Variants in ANKRD26 observed in about 807,000 individuals in gnomAD.
ANKRD26 encodes the protein ankyrin repeat domain-containing protein 26.
Under a neutral mutation model 208.7 loss-of-function variants are expected in ANKRD26, and 141 were observed. The ratio of observed to expected loss-of-function variants is 0.68; its 90% CI spans 0.59 to 0.78. The LOEUF (loss-of-function observed/expected upper bound fraction) is 0.78, where lower values mean the gene tolerates loss of function less well. Among genes scored for constraint, ANKRD26 ranks in the 30% least tolerant of loss-of-function variants. The pLI is 0.00. For missense variants in ANKRD26, 1,889 were observed against 1,938.7 expected, an observed-to-expected ratio of 0.97 and a Z score of 0.48; for synonymous variants, 636 against 660.4, an observed-to-expected ratio of 0.96 and a Z score of 0.57.
chr10:27,059,579 TG>T, intron 15 of ANKRD26, among the ~76,000 whole-genome samples: 1 of 152,302 alleles, frequency 6.6e-6, no homozygotes, highest in Non-Finnish European at 1.5e-5. Flanking sequence ...GTTTCAGAAT[TG>T]TTGTTTTAAA....
intron 18 of ANKRD26, among the ~76,000 whole-genome samples, chr10:27,045,819 T>G (rs1277619707): frequency 6.6e-6 from 1 of 152,220 alleles, no homozygotes; most frequent in Non-Finnish European, 1.5e-5. Context: ...CACATTCAAT[T>G]ATATTACAAT....
chr10:27,100,402 A>C lies in ANKRD26; in HGVS notation c.-76T>G. 6.3e-7 allele frequency: 1 copy of C among 1,581,552 alleles called. No individual in the cohort carries two copies. On this transcript the variant is annotated 5_prime_UTR_variant, in exon 1 of 34. Coordinates refer to ENST00000376087, the MANE Select transcript of ANKRD26 (RefSeq NM_014915.3). ...ACGGCCTCCGGAGCCCAACATAACA[A>C]GTCAGCCCCGGCTGGCCGCAGCCTC...
the ANKRD26 span, among the ~76,000 whole-genome samples, chr10:26,950,877 G>T: frequency 7.2e-3 from 1,100 of 152,142 alleles, 14 homozygotes; most frequent in African/African-American, 0.025. Context: ...ATTCAGAATT[G>T]ATTTATTTGT....
At chr10:27,028,585 C>CAAAAAAAA (rs11294303) in intron 27 of ANKRD26, among the ~76,000 whole-genome samples, 2 of 76,060 alleles carry the variant, frequency 2.6e-5, no homozygotes, top group South Asian at 4.7e-4. Flanking sequence ...GACTCCATCT[C>CAAAAAAAA]AAAAAAAAAA....
chr10:27,008,541 A>G (rs563434836), intron 32 of ANKRD26, among the ~76,000 whole-genome samples: 1 of 152,314 alleles, frequency 6.6e-6, no homozygotes, highest in East Asian at 1.9e-4. Flanking sequence ...TCTCCTAAAT[A>G]TTTACTTCCT....
rs374615840 is a variant in ANKRD26 at position 27,004,995 on chromosome 10, C to A, written c.*595G>T. On this transcript the variant is annotated 3_prime_UTR_variant, in exon 34 of 34. Coordinates refer to ENST00000376087, the MANE Select transcript of ANKRD26 (RefSeq NM_014915.3). Reference sequence around the variant, plus strand: ...GTCAGCAATTTACTCTCAAATTGTTCGGAGGAGAAAGTCTTTGTACTAAAA... The same window carrying A: ...GTCAGCAATTTACTCTCAAATTGTTAGGAGGAGAAAGTCTTTGTACTAAAA... The A allele has an allele frequency of 1.2e-5, 12 of 969,560 alleles. No individual in the cohort carries two copies. In the African/African-American group the frequency reaches 1.6e-4, roughly 13 times the overall value. The allele number at this position is 969,560 out of a possible 1,614,324, so 60.1% of individuals were successfully genotyped here.
intron 16 of ANKRD26, chr10:27,051,806 G>C: frequency 1.0e-6 from 1 of 985,376 alleles, no homozygotes; most frequent in Non-Finnish European, 1.2e-6. Context: ...TTTCCTTTAA[G>C]TTTGTGCCTC....
At chr10:27,046,052 T>A in intron 18 of ANKRD26, 1 of 270,104 alleles carries the variant, frequency 3.7e-6, no homozygotes, top group East Asian at 7.7e-5. Context: ...CATTTTAAAA[T>A]AAAAAAGAAA....
intron 18 of ANKRD26, among the ~76,000 whole-genome samples, chr10:27,045,397 C>A (rs1202843427): frequency 6.7e-6 from 1 of 148,774 alleles, no homozygotes; most frequent in African/African-American, 2.5e-5. Context: ...GCACTCCAGT[C>A]TGGGCAACGG....
At chr10:27,052,143 TC>T in intron 16 of ANKRD26, 7 of 982,928 alleles carry the variant, frequency 7.1e-6, no homozygotes, top group Non-Finnish European at 8.5e-6. Context: ...AATAACTTTA[TC>T]CTTGAGTAAT....
intron 9 of ANKRD26, among the ~76,000 whole-genome samples, chr10:27,068,860 T>TA (rs79173744): frequency 0.047 from 5,875 of 125,440 alleles, 225 homozygotes; most frequent in South Asian, 0.18. Context: ...TTGGGCATCC[T>TA]AAAAAAAAAA....
chr10:27,057,156 A>G (rs2054866587), intron 15 of ANKRD26, among the ~76,000 whole-genome samples: 1 of 152,252 alleles, frequency 6.6e-6, no homozygotes, highest in African/African-American at 2.4e-5. Context: ...TGTAAATAAT[A>G]TAGGTTTGAC....
At chr10:27,054,905 C>T (rs4749220) in intron 15 of ANKRD26, among the ~76,000 whole-genome samples, 12,146 of 152,112 alleles carry the variant, frequency 0.08, 562 homozygotes, top group African/African-American at 0.13. Context: ...AACATTTATG[C>T]TTTCAAGAGG....
chr10:27,024,129 C>T (rs966728577), intron 28 of ANKRD26, among the ~76,000 whole-genome samples: 1 of 151,688 alleles, frequency 6.6e-6, no homozygotes, highest in Non-Finnish European at 1.5e-5. Flanking sequence ...AAGGACACTA[C>T]CAAAGAGAGA....
At position 27,037,204 on chromosome 10, in the gene ANKRD26, T is replaced by C. The variant is rs61730098; in HGVS notation, c.2679A>G (p.Gln893=). 4,546 of 1,613,554 alleles carry C rather than the reference T, an allele frequency of 2.8e-3. 10 individuals are homozygous for C. The highest frequency in any genetic ancestry group is 3.5e-3 in the Non-Finnish European group (4,072 of 1,179,544). The change falls in exon 23 of 34, where the codon CAA becomes CAG. Residue 893 remains glutamine, a synonymous_variant. Transcript: ENST00000376087. ...LSKQKEIEMA[Q]KKMNSENSHS... ...GAAATACCTCAGAATTCATTTTCTT[T>C]TGAGCCATTTCAATCTCCTTTTGTT...
At chr10:27,037,786 G>A (rs1352345974) in intron 22 of ANKRD26, 85 bp downstream of exon 22, 6 of 1,129,790 alleles carry the variant, frequency 5.3e-6, no homozygotes, top group Non-Finnish European at 7.6e-6. Context: ...TTTAAACCTA[G>A]ATAACATATA....
At chr10:27,040,805 G>A (rs541040430) in intron 20 of ANKRD26, among the ~76,000 whole-genome samples, 13 of 152,142 alleles carry the variant, frequency 8.5e-5, no homozygotes, top group Non-Finnish European at 5.9e-5. Context: ...TGAGGTGGGC[G>A]GATCACCTGA....
At chr10:27,019,589 T>C (rs953263323) in intron 29 of ANKRD26, among the ~76,000 whole-genome samples, 3 of 152,170 alleles carry the variant, frequency 2.0e-5, no homozygotes, top group African/African-American at 4.8e-5. Flanking sequence ...TAAAGTCTTC[T>C]TGAGAAGTTT....
chr10:27,080,232 CT>C (rs1204888691), intron 6 of ANKRD26: 2 of 152,560 alleles, frequency 1.3e-5, no homozygotes, highest in African/African-American at 2.4e-5. Context: ...ATACACTGTC[CT>C]TTCTCCACTA....
Sources: gnomAD v4.1 joint callset for allele counts (sites outside exome capture counted in the v4.1 genomes callset) on GRCh38, gnomAD v4.1.1 for gene constraint, MANE v1.5 for transcripts, NCBI Gene and HGNC (gene_info 2026-07-23, HGNC 2026-07-21) for gene names.